CSMD3: variants seen among roughly 807,000 people sequenced by gnomAD.
CSMD3 encodes the protein CUB and sushi domain-containing protein 3.
A neutral mutation model predicts 435.2 loss-of-function variants in CSMD3; 177 were observed. That is an observed-to-expected ratio of 0.41 (90% CI 0.36 to 0.46). CSMD3 has a LOEUF of 0.46. CSMD3 is among the 20% of genes least tolerant of loss of function. The pLI, the probability that CSMD3 is intolerant of heterozygous loss-of-function variation, is 0.34. For synonymous variants in CSMD3, 1,656 were observed against 1,520.5 expected (o/e 1.09, Z -2.07); for missense variants, 4,265 against 4,504.6 (o/e 0.95, Z 1.52).
Position 112,311,173 on chromosome 8 carries a change from A to G in CSMD3, c.7697-7T>C, listed in dbSNP as rs1196736836. On this transcript the variant is annotated splice_polypyrimidine_tract_variant and splice_region_variant and intron_variant, in intron 49 of 70. Coordinates refer to ENST00000297405, the MANE Select transcript of CSMD3 (RefSeq NM_198123.2). ...GGTGTACTACAGTAGAAAGCTTTTC[A>G]AAAGAAAAAAAAAATGCTGTTTAAT... is the stretch of plus-strand genomic sequence containing the variant. 1.9e-6 allele frequency: 3 copies of G among 1,609,222 alleles called. No individual in the cohort carries two copies. Among genetic ancestry groups the G allele is most frequent in the South Asian group, 1.1e-5 (1 of 91,006 alleles).
At chr8:112,844,713 A>G (rs973334901) in intron 11 of CSMD3, among the ~76,000 whole-genome samples, 4 of 151,922 alleles carry the variant, frequency 2.6e-5, no homozygotes, top group African/African-American at 9.7e-5. Flanking sequence ...CCAGATACAT[A>G]TCTTGTTTAA....
intron 22 of CSMD3, among the ~76,000 whole-genome samples, chr8:112,591,377 C>CA (rs1182417589): frequency 6.6e-6 from 1 of 151,924 alleles, no homozygotes; most frequent in East Asian, 1.9e-4. Context: ...CAGGGATACC[C>CA]AAAAACAGAC....
At position 112,689,996 on chromosome 8, in the gene CSMD3, T is replaced by G. The variant is rs1157853407; in HGVS notation, c.2027A>C (p.Glu676Ala). 1 of 1,613,254 alleles carries G rather than the reference T, an allele frequency of 6.2e-7. No individual in the cohort carries two copies. Among genetic ancestry groups the G allele is most frequent in the East Asian group, 2.2e-5 (1 of 44,800 alleles). ...ATCACGATTAGAAAATCCATCGCCTTCTCTAATTCCATATAAGGGTGTACC... is the reference window on the plus strand; with the variant it reads ...ATCACGATTAGAAAATCCATCGCCTGCTCTAATTCCATATAAGGGTGTACC... ...DPGTPLYGIR[E>A]GDGFSNRDVL... The change falls in exon 14 of 71, where the codon GAA (glutamate) becomes GCA (alanine). Residue 676 changes from glutamate to alanine, a missense_variant. Glu to Ala is a moderately radical substitution (Grantham distance 107, BLOSUM62 -1). Around this residue, in one of 3 missense-constraint regions of CSMD3, gnomAD observed 279 missense variants for 369.0 expected, o/e 0.76. Transcript: ENST00000297405.
chr8:113,194,628 G>A (rs1245239794), intron 3 of CSMD3, among the ~76,000 whole-genome samples: 1 of 151,156 alleles, frequency 6.6e-6, no homozygotes, highest in Non-Finnish European at 1.5e-5. Context: ...AATCCTGGGG[G>A]AACACGTGAG....
intron 10 of CSMD3, among the ~76,000 whole-genome samples, chr8:112,897,534 TAAAG>T (rs1454256138): frequency 1.3e-5 from 2 of 150,824 alleles, no homozygotes; most frequent in Non-Finnish European, 3.0e-5. Flanking sequence ...CCTCAGCTGA[TAAAG>T]AACTCAGAAA....
intron 6 of CSMD3, among the ~76,000 whole-genome samples, chr8:113,002,830 G>C (rs2131079041): frequency 6.6e-6 from 1 of 152,128 alleles, no homozygotes; most frequent in Non-Finnish European, 1.5e-5. Flanking sequence ...ATTGACCTTT[G>C]TGTTTTTATA....
rs2130676928 is a variant in CSMD3 at position 112,291,573 on chromosome 8, C to T, written c.8911G>A (p.Gly2971Arg). Reference protein sequence around the residue: ...YDCNPGYFLFGSSVLICQPNG... With the variant: ...YDCNPGYFLFRSSVLICQPNG... Reference sequence around the variant, plus strand: ...GGTTGACATATCAAAACTGAAGATCCAAATAAAAAATATCCAGGATTGCAG... The same window carrying T: ...GGTTGACATATCAAAACTGAAGATCTAAATAAAAAATATCCAGGATTGCAG... The change falls in exon 56 of 71, where the codon GGA becomes AGA. Residue 2971 changes from glycine to arginine, a missense_variant. Around this residue, in one of 3 missense-constraint regions of CSMD3, gnomAD observed 3,255 missense variants for 3,380.2 expected, o/e 0.96. Transcript: ENST00000297405. The T allele has an allele frequency of 6.2e-7, 1 of 1,611,614 alleles. No homozygotes were observed. The highest frequency in any genetic ancestry group is 8.5e-7 in the Non-Finnish European group (1 of 1,178,358).
intron 6 of CSMD3, among the ~76,000 whole-genome samples, chr8:112,988,173 T>C (rs370249805): frequency 6.6e-6 from 1 of 151,974 alleles, no homozygotes; most frequent in African/African-American, 2.4e-5. Flanking sequence ...CTTGCGCAAA[T>C]CAAGGGAAGA....
In CSMD3 at chr8:112,313,950, G is replaced by T. The variant is rs755474950; in HGVS notation, c.7652C>A (p.Ala2551Glu). 6.2e-7 allele frequency: 1 copy of T among 1,611,876 alleles called. No individual in the cohort carries two copies. The highest frequency in any genetic ancestry group is 8.5e-7 in the Non-Finnish European group (1 of 1,178,400). ...NGHEVFLQWS[A>E]DHGNNKKGFR... ...GCCTTTTTTGTTATTGCCATGATCTGCTGACCACTGAAGAAATACTTCATG... is the reference window on the plus strand; with the variant it reads ...GCCTTTTTTGTTATTGCCATGATCTTCTGACCACTGAAGAAATACTTCATG... The change falls in exon 49 of 71, where the codon GCA becomes GAA. Residue 2551 changes from alanine (A) to glutamate (E), a missense_variant. Around this residue, in one of 3 missense-constraint regions of CSMD3, gnomAD observed 3,255 missense variants for 3,380.2 expected, o/e 0.96. Coordinates refer to ENST00000297405, the MANE Select transcript of CSMD3 (RefSeq NM_198123.2).
chr8:112,984,293 A>G (rs2085167024), intron 6 of CSMD3, among the ~76,000 whole-genome samples: 1 of 152,004 alleles, frequency 6.6e-6, no homozygotes, highest in Admixed American at 6.6e-5. Context: ...AATATAAGTA[A>G]AAAAGAACAA....
chr8:113,024,706 T>C (rs2131202033), intron 5 of CSMD3, among the ~76,000 whole-genome samples: 1 of 152,292 alleles, frequency 6.6e-6, no homozygotes, highest in South Asian at 2.1e-4. Context: ...TGACTAGTGA[T>C]GTTGAACATT....
intron 63 of CSMD3, among the ~76,000 whole-genome samples, chr8:112,249,594 G>A (rs1027316188): frequency 4.6e-5 from 7 of 152,020 alleles, no homozygotes; most frequent in African/African-American, 1.4e-4. Flanking sequence ...TATGCAACAC[G>A]AAAGTTTGAC....
At chr8:112,237,765 A>G (rs1464070418) in intron 66 of CSMD3, among the ~76,000 whole-genome samples, 1 of 152,092 alleles carries the variant, frequency 6.6e-6, no homozygotes, top group Non-Finnish European at 1.5e-5. Flanking sequence ...ATAGATTTTT[A>G]AGAGGAATAG....
chr8:112,580,488 T>C (rs868792602), intron 23 of CSMD3, among the ~76,000 whole-genome samples: 2 of 151,388 alleles, frequency 1.3e-5, no homozygotes, highest in Middle Eastern at 6.8e-3. Flanking sequence ...TACCTGGCTT[T>C]CTATCTGGAG....
intron 42 of CSMD3, among the ~76,000 whole-genome samples, chr8:112,339,252 ATTGG>A (rs1824865686): frequency 2.0e-5 from 3 of 151,708 alleles, no homozygotes; most frequent in Non-Finnish European, 2.9e-5. Context: ...GCAAAAAGCA[ATTGG>A]TTGCTTTTTG....
chr8:112,976,044 C>T lies in CSMD3; in HGVS notation c.1135G>A (p.Val379Ile), dbSNP rs1425629513. The T allele has an allele frequency of 6.2e-7, 1 of 1,614,044 alleles. No homozygotes were observed. The highest frequency in any genetic ancestry group is 8.5e-7 in the Non-Finnish European group (1 of 1,179,954). The part of the protein sequence containing the change: ...AVASTPADVT[V>I]SSVTAVTIHR... ...ATGGTGACAGCTGTAACACTGGATA[C>T]AGTAACATCTGCAGGTGTGCTAGCA... is the stretch of plus-strand genomic sequence containing the variant. Residue 379 changes from valine (V) to isoleucine (I), a missense_variant, in exon 7 of 71, where the codon GTA (valine) becomes ATA (isoleucine). This residue lies in a region of CSMD3 where 731 missense variants were observed against 755.4 expected (regional missense o/e 0.97). Transcript: ENST00000297405.
chr8:112,233,572 T>C (rs914968639), intron 68 of CSMD3, among the ~76,000 whole-genome samples: 3 of 152,142 alleles, frequency 2.0e-5, no homozygotes, highest in Non-Finnish European at 4.4e-5. Context: ...TACTAGATGG[T>C]AGGCTTCTTG....
intron 50 of CSMD3, among the ~76,000 whole-genome samples, chr8:112,309,650 C>T (rs1055536516): frequency 2.0e-5 from 3 of 152,132 alleles, no homozygotes; most frequent in South Asian, 2.1e-4. Flanking sequence ...GTGTTGATAA[C>T]CCATTAAGGT....
chr8:113,082,981 G>A (rs1022726096), intron 5 of CSMD3, among the ~76,000 whole-genome samples: 2 of 152,054 alleles, frequency 1.3e-5, no homozygotes, highest in African/African-American at 2.4e-5. Context: ...CACCTTTTGG[G>A]AGTTCTAGAA....
Sources: gnomAD v4.1 joint callset for allele counts (sites outside exome capture counted in the v4.1 genomes callset) on GRCh38, gnomAD v4.1.1 for gene constraint, gnomAD v4.1.1 regional missense constraint, MANE v1.5 for transcripts, NCBI Gene and HGNC (gene_info 2026-07-23, HGNC 2026-07-21) for gene names.